CHD9: variants seen among roughly 807,000 people sequenced by gnomAD.
The protein encoded by CHD9 is ATP-dependent chromatin remodeler CHD9.
Under a neutral mutation model 316.1 loss-of-function variants are expected in CHD9, and 77 were observed. The ratio of observed to expected loss-of-function variants is 0.24; its 90% confidence interval spans 0.20 to 0.29. The LOEUF (loss-of-function observed/expected upper bound fraction) is 0.29, where lower values mean the gene tolerates loss of function less well. Ranked by LOEUF, CHD9 falls within the 10% of genes least tolerant of loss-of-function variation. CHD9 has a pLI of 1.00. For missense variants in CHD9, 2,763 were observed against 3,438.1 expected, an observed-to-expected ratio of 0.80 and a Z score of 4.91; for synonymous variants, 1,129 against 1,158.3, an observed-to-expected ratio of 0.97 and a Z score of 0.51.
At chr16:53,194,521 G>A (rs113098322) in intron 2 of CHD9, among the ~76,000 whole-genome samples, 4,961 of 152,078 alleles carry the variant, frequency 0.033, 98 homozygotes, top group Middle Eastern at 0.071. Flanking sequence ...TGAAGTGAGC[G>A]GAGATCGTAC....
Position 53,326,552 on chromosome 16 carries a change from G to A in CHD9, c.*1657G>A, listed in dbSNP as rs554440347. On this transcript the variant is annotated 3_prime_UTR_variant, in exon 39 of 39. Coordinates refer to ENST00000447540, the MANE Select transcript of CHD9 (RefSeq NM_001308319.2). ...TTACAAAATTATATAAGTTCCATTG[G>A]GATTGTATTGATTTTGTATTTTCCC... The A allele has an allele frequency of 6.6e-6, 1 of 152,388 alleles. No homozygotes were observed. The highest frequency in any genetic ancestry group is 2.1e-4 in the South Asian group (1 of 4,814). The allele number at this position is 152,388 out of a possible 1,614,324, so 9.4% of individuals were successfully genotyped here. A position where few individuals can be genotyped will look rare whatever the true frequency, so the allele number is the denominator to read the frequency against.
chr16:53,102,880 C>G (rs901777250), intron 1 of CHD9, among the ~76,000 whole-genome samples: 1 of 151,962 alleles, frequency 6.6e-6, no homozygotes, highest in African/African-American at 2.4e-5. Context: ...GAGTCTTGCT[C>G]TGTCACTCAG....
rs552923506 is a variant in CHD9, at chr16:53,320,278, T to C, written c.7714-1248T>C. ...GCTCAGGCCTGTAATGACAACACTT[T>C]GGGAGGCCAAGGTGGGTGGATCATC... On this transcript the variant is annotated intron_variant, in intron 37 of 38. Transcript: ENST00000447540. Among the ~76,000 whole-genome samples, 20 of 151,892 alleles carry C rather than the reference T, an allele frequency of 1.3e-4. No individual in the cohort carries two copies. In the South Asian group the frequency reaches 1.7e-3, roughly 13 times the overall value.
At chr16:53,189,969 A>G (rs1406907514) in intron 2 of CHD9, among the ~76,000 whole-genome samples, 3 of 152,046 alleles carry the variant, frequency 2.0e-5, no homozygotes, top group Non-Finnish European at 4.4e-5. Flanking sequence ...TATTACATTT[A>G]TTATCCCTCA....
chr16:53,128,897 A>G (rs1386824662), intron 1 of CHD9, among the ~76,000 whole-genome samples: 1 of 152,246 alleles, frequency 6.6e-6, no homozygotes. Flanking sequence ...TCGATGTCCA[A>G]GTTCATAATG....
At chr16:53,205,504 A>G (rs181971491) in intron 2 of CHD9, among the ~76,000 whole-genome samples, 1 of 152,290 alleles carries the variant, frequency 6.6e-6, no homozygotes, top group East Asian at 1.9e-4. Context: ...AAACCATAAC[A>G]TTGTATGTTT....
At chr16:53,138,336 A>G (rs1399083871) in intron 1 of CHD9, among the ~76,000 whole-genome samples, 1 of 152,220 alleles carries the variant, frequency 6.6e-6, no homozygotes, top group Non-Finnish European at 1.5e-5. Context: ...ATTTGAGTGA[A>G]ATCACATTTG....
At position 53,275,825 on chromosome 16, in the gene CHD9, C is replaced by T. The variant is rs551944056; in HGVS notation, c.4967+1523C>T. Among the ~76,000 whole-genome samples, 3 of 152,280 alleles carry T rather than the reference C, an allele frequency of 2.0e-5. No homozygotes were observed. The East Asian group carries it at 5.8e-4, about 29-fold the overall frequency. On this transcript the variant is annotated intron_variant, in intron 24 of 38. Coordinates refer to ENST00000447540, the MANE Select transcript of CHD9 (RefSeq NM_001308319.2). ...TACAATTAAAGAAGGTTTATGGTGA[C>T]TGACTTCTATATCCACCTATGATCC... is the stretch of plus-strand genomic sequence containing the variant.
At chr16:53,154,118 T>C (rs1458607237) in intron 1 of CHD9, among the ~76,000 whole-genome samples, 1 of 152,240 alleles carries the variant, frequency 6.6e-6, no homozygotes, top group Non-Finnish European at 1.5e-5. Flanking sequence ...TGAATTCATA[T>C]TAATTTAATA....
intron 3 of CHD9, 121 bp from the exon 4 acceptor site, chr16:53,222,523 T>A (rs2047332834): frequency 3.3e-6 from 2 of 601,086 alleles, no homozygotes; most frequent in Non-Finnish European, 3.0e-6. Flanking sequence ...ATGATTATCA[T>A]CCTTGGTTGG....
intron 1 of CHD9, among the ~76,000 whole-genome samples, chr16:53,088,394 T>C (rs59629637): frequency 0.014 from 2,047 of 151,166 alleles, 53 homozygotes; most frequent in African/African-American, 0.047. Flanking sequence ...TCTCCTGCCT[T>C]AGCCTCCCGA....
chr16:53,194,520 C>T (rs538332342), intron 2 of CHD9, among the ~76,000 whole-genome samples: 3 of 152,220 alleles, frequency 2.0e-5, no homozygotes, highest in Admixed American at 6.5e-5. Flanking sequence ...CTGAAGTGAG[C>T]GGAGATCGTA....
chr16:53,246,023 T>C (rs938269463), intron 15 of CHD9, among the ~76,000 whole-genome samples, 173 bp downstream of exon 15: 1 of 152,240 alleles, frequency 6.6e-6, no homozygotes, highest in Non-Finnish European at 1.5e-5. Flanking sequence ...TTACAGTGAC[T>C]GATGTTAACA....
At chr16:53,064,373 T>C (rs2033287884) in intron 1 of CHD9, among the ~76,000 whole-genome samples, 1 of 152,202 alleles carries the variant, frequency 6.6e-6, no homozygotes, top group Non-Finnish European at 1.5e-5. Flanking sequence ...GTTATTTTGT[T>C]GTCGTAGCAC....
At chr16:53,219,280 G>A (rs1030785341) in intron 3 of CHD9, among the ~76,000 whole-genome samples, 2 of 152,146 alleles carry the variant, frequency 1.3e-5, no homozygotes, top group African/African-American at 2.4e-5. Flanking sequence ...TGTGTAATAA[G>A]CAATTAGTTA....
At chr16:53,214,937 G>A (rs1411278562) in intron 3 of CHD9, among the ~76,000 whole-genome samples, 2 of 148,632 alleles carry the variant, frequency 1.3e-5, no homozygotes, top group Admixed American at 6.7e-5. Flanking sequence ...TTTTTGAGAC[G>A]GAGTCTCACT....
rs182254882 is a variant in CHD9, at chr16:53,226,405, G to A, written c.1936G>A (p.Ala646Thr). ...TCGACAAATTAAAAGAAAAAAATACGCAGAAGATATAGAAGGGAAGCAATC... is the reference window on the plus strand; with the variant it reads ...TCGACAAATTAAAAGAAAAAAATACACAGAAGATATAGAAGGGAAGCAATC... ...SNRQIKRKKY[A>T]EDIEGKQSEE... Residue 646 changes from alanine to threonine, a missense_variant, in exon 5 of 39, where the codon GCA (alanine) becomes ACA (threonine). Transcript: ENST00000447540. The A allele has an allele frequency of 1.9e-5, 30 of 1,584,156 alleles. No homozygotes were observed. Among genetic ancestry groups the A allele is most frequent in the South Asian group, 4.7e-5 (4 of 84,736 alleles).
rs1356997979 is a variant in CHD9 at position 53,079,122 on chromosome 16, T to C, written c.-165+24045T>C. On this transcript the variant is annotated intron_variant, in intron 1 of 38. Coordinates refer to ENST00000447540, the MANE Select transcript of CHD9 (RefSeq NM_001308319.2). Reference sequence around the variant, plus strand: ...CGTTATACATACAGGAGCCTTGGAGTATGAAGGGACCTGGGAAAGCTTTTC... The same window carrying C: ...CGTTATACATACAGGAGCCTTGGAGCATGAAGGGACCTGGGAAAGCTTTTC... Among the ~76,000 whole-genome samples the C allele has an allele frequency of 3.3e-5, 5 of 152,120 alleles. No individual in the cohort carries two copies. The East Asian group carries it at 7.7e-4, about 23-fold the overall frequency.
At chr16:53,265,870 T>C (rs1214750863) in intron 20 of CHD9, among the ~76,000 whole-genome samples, 2 of 152,112 alleles carry the variant, frequency 1.3e-5, no homozygotes, top group Non-Finnish European at 2.9e-5. Context: ...AGTTAATGTT[T>C]CTATTACATA....
Sources: gnomAD v4.1 joint callset for allele counts (sites outside exome capture counted in the v4.1 genomes callset) on GRCh38, gnomAD v4.1.1 for gene constraint, MANE v1.5 for transcripts, NCBI Gene and HGNC (gene_info 2026-07-23, HGNC 2026-07-21) for gene names.